CAPN5: variants seen among roughly 807,000 people sequenced by gnomAD.
CAPN5 encodes the protein calpain-5.
In CAPN5, 54 loss-of-function variants were observed where a neutral mutation model predicts 73.0. The observed-to-expected ratio is 0.74, with a 90% CI of 0.59 to 0.93. The LOEUF is 0.93. CAPN5 is among the 40% of genes least tolerant of loss of function. The pLI is 0.00. For missense variants in CAPN5, 785 were observed against 882.9 expected (o/e 0.89, Z 1.41); for synonymous variants, 335 against 356.9 (o/e 0.94, Z 0.69).
intron 2 of CAPN5, among the ~76,000 whole-genome samples, chr11:77,089,881 A>AG (rs1950131038): frequency 6.6e-6 from 1 of 152,146 alleles, no homozygotes; most frequent in African/African-American, 2.4e-5. Context: ...TCTAAAAAAA[A>AG]CAAACAAAAA....
At position 77,086,888 on chromosome 11, in the gene CAPN5, G is replaced by A. The variant is rs534773920; in HGVS notation, c.165+1837G>A. Among the ~76,000 whole-genome samples, 7 of 152,342 alleles carry A rather than the reference G, an allele frequency of 4.6e-5. No homozygotes were observed. The South Asian group carries it at 6.2e-4, about 14-fold the overall frequency. Reference sequence around the variant, plus strand: ...GGCCCGCTTGGTACTCTCCTGCTGCGTGACCCAGGGGAGTCAGCTGCCCTT... The same window carrying A: ...GGCCCGCTTGGTACTCTCCTGCTGCATGACCCAGGGGAGTCAGCTGCCCTT... On this transcript the variant is annotated intron_variant, in intron 2 of 12. Coordinates refer to ENST00000648180, the MANE Select transcript of CAPN5 (RefSeq NM_004055.5).
At chr11:77,081,449 C>T (rs1009999591) in intron 1 of CAPN5, among the ~76,000 whole-genome samples, 8 of 152,144 alleles carry the variant, frequency 5.3e-5, no homozygotes, top group East Asian at 1.9e-4. Context: ...GTTGTGGTAG[C>T]CCCCCCATAC....
chr11:77,108,878 A>G (rs1196477090), intron 3 of CAPN5, among the ~76,000 whole-genome samples: 1 of 152,234 alleles, frequency 6.6e-6, no homozygotes, highest in Non-Finnish European at 1.5e-5. Context: ...ACAGAAGTCC[A>G]TAATTGCAAT....
At chr11:77,093,595 T>C in intron 2 of CAPN5, 87 bp from the exon 3 acceptor site, 2 of 754,804 alleles carry the variant, frequency 2.6e-6, no homozygotes, top group East Asian at 6.8e-5. Context: ...TCTGTGTCTG[T>C]CACGTCTGTG....
chr11:77,086,944 C>T (rs1487016737), intron 2 of CAPN5, among the ~76,000 whole-genome samples: 1 of 152,218 alleles, frequency 6.6e-6, no homozygotes, highest in Non-Finnish European at 1.5e-5. Flanking sequence ...GGTTCAGGAG[C>T]CATGCCACAC....
chr11:77,087,745 A>T (rs2135427854), intron 2 of CAPN5, among the ~76,000 whole-genome samples: 2 of 152,096 alleles, frequency 1.3e-5, no homozygotes, highest in South Asian at 4.1e-4. Context: ...GCAGGTGACA[A>T]ACTGGTTCCC....
chr11:77,105,298 TC>T (rs1319975299), intron 3 of CAPN5, among the ~76,000 whole-genome samples: 39 of 150,676 alleles, frequency 2.6e-4, no homozygotes, highest in African/African-American at 9.3e-4. Flanking sequence ...CTTCCCACAC[TC>T]CCCCAGCCCT....
chr11:77,122,745 G>A (rs1555043137), intron 12 of CAPN5, 33 bp downstream of exon 12: 1 of 1,610,326 alleles, frequency 6.2e-7, no homozygotes, highest in Admixed American at 1.7e-5. Flanking sequence ...CACCTCCTGG[G>A]CTCCTAGCCT....
At chr11:77,111,011 G>A (rs568247668) in intron 3 of CAPN5, among the ~76,000 whole-genome samples, 3 of 152,206 alleles carry the variant, frequency 2.0e-5, no homozygotes, top group South Asian at 2.1e-4. Context: ...AGGGCCAGGG[G>A]TCATTCACCC....
intron 4 of CAPN5, 41 bp from the exon 5 acceptor site, chr11:77,114,201 G>T (rs920914603): frequency 4.4e-6 from 7 of 1,586,074 alleles, no homozygotes; most frequent in Non-Finnish European, 6.1e-6. Flanking sequence ...CAGCCTGGCT[G>T]GGGAGCATGA....
chr11:77,089,462 A>G (rs1360733370), intron 2 of CAPN5, among the ~76,000 whole-genome samples: 3 of 152,152 alleles, frequency 2.0e-5, no homozygotes, highest in South Asian at 2.1e-4. Flanking sequence ...TCTATGACCT[A>G]TGTCCAGCCA....
At chr11:77,100,310 C>T (rs1433323749) in intron 3 of CAPN5, among the ~76,000 whole-genome samples, 1 of 152,132 alleles carries the variant, frequency 6.6e-6, no homozygotes, top group Non-Finnish European at 1.5e-5. Context: ...CAGCCTCCTG[C>T]ATCCTGCCTG....
rs782139908 is a variant in CAPN5 at position 77,118,153 on chromosome 11, C to T, written c.972-4C>T. The T allele has an allele frequency of 5.0e-6, 8 of 1,608,882 alleles. No individual in the cohort carries two copies. Among genetic ancestry groups the T allele is most frequent in the Non-Finnish European group, 6.8e-6 (8 of 1,176,688 alleles). ...TACCCTGCTCAGCCCCTCCCCACAT[C>T]CAGGATGACCTTCGAGGACGTGTGC... On this transcript the variant is annotated splice_polypyrimidine_tract_variant and splice_region_variant and intron_variant, in intron 7 of 12. Transcript: ENST00000648180.
chr11:77,099,014 G>A (rs1484270773), intron 3 of CAPN5, among the ~76,000 whole-genome samples: 156 of 20,360 alleles, frequency 7.7e-3, no homozygotes, highest in Non-Finnish European at 9.7e-3. Context: ...CTTCTCAGAC[G>A]GGGCGGCCGG....
intron 11 of CAPN5, 50 bp from the exon 12 acceptor site, chr11:77,122,525 GC>G (rs781836781): frequency 1.4e-6 from 2 of 1,435,656 alleles, no homozygotes; most frequent in Non-Finnish European, 1.9e-6. Context: ...CTGTGGCCCT[GC>G]CACAGCCCCC....
At chr11:77,117,849 C>T (rs926689990) in intron 7 of CAPN5, among the ~76,000 whole-genome samples, 7 of 152,242 alleles carry the variant, frequency 4.6e-5, no homozygotes, top group Admixed American at 1.3e-4. Context: ...TTTGCCAGTG[C>T]GTGCTCTGTC....
chr11:77,085,102 A>C, intron 2 of CAPN5, 51 bp downstream of exon 2: 1 of 1,537,944 alleles, frequency 6.5e-7, no homozygotes, highest in Non-Finnish European at 8.9e-7. Flanking sequence ...AGGCCCACCC[A>C]CAAGGCTGGG....
At chr11:77,098,175 C>T (rs1950234334) in intron 3 of CAPN5, among the ~76,000 whole-genome samples, 1 of 65,746 alleles carries the variant, frequency 1.5e-5, no homozygotes, top group South Asian at 7.8e-4. Flanking sequence ...TAGGGGCGGC[C>T]GGGCAGAGGC....
chr11:77,107,040 A>G (rs745065), intron 3 of CAPN5, among the ~76,000 whole-genome samples: 151,218 of 152,270 alleles, frequency 0.99, 75,103 homozygotes, highest in Middle Eastern at 1. Flanking sequence ...GGTCTCAGCC[A>G]CCCCATGAAC....
Sources: allele counts gnomAD v4.1 joint callset (sites outside exome capture counted in the v4.1 genomes callset), GRCh38; gene constraint gnomAD v4.1.1; transcripts MANE v1.5; gene names NCBI Gene and HGNC (gene_info 2026-07-23, HGNC 2026-07-21).